Variants in ST3GAL3 observed in about 807,000 individuals in gnomAD.
ST3GAL3 encodes ST3 beta-galactoside alpha-2,3-sialyltransferase 3.
A neutral mutation model predicts 50.1 loss-of-function variants in ST3GAL3; 21 were observed. The ratio of observed to expected loss-of-function variants is 0.42; its 90% CI spans 0.30 to 0.60. The LOEUF (loss-of-function observed/expected upper bound fraction) is 0.60, where lower values mean the gene tolerates loss of function less well. Among genes scored for constraint, ST3GAL3 ranks in the 20% least tolerant of loss-of-function variants. ST3GAL3 has a pLI of 0.19. For missense variants in ST3GAL3, 353 were observed against 489.4 expected (o/e 0.72, Z 2.63); for synonymous variants, 183 against 190.0 (o/e 0.96, Z 0.30).
intron 5 of ST3GAL3, among the ~76,000 whole-genome samples, chr1:43,852,794 C>G (rs2067584215): frequency 6.6e-6 from 1 of 152,214 alleles, no homozygotes. Context: ...TTGGAAAAGT[C>G]TGAGCCTTAT....
chr1:43,927,096 G>A (rs898590992), intron 11 of ST3GAL3, among the ~76,000 whole-genome samples: 19 of 152,270 alleles, frequency 1.2e-4, no homozygotes, highest in Middle Eastern at 3.4e-3. Context: ...TTGGGAGGCC[G>A]ATGCAGGTGG....
chr1:43,914,814 GGCTGT>G (rs993595128), intron 9 of ST3GAL3, among the ~76,000 whole-genome samples: 22 of 152,208 alleles, frequency 1.4e-4, no homozygotes, highest in African/African-American at 4.8e-4. Flanking sequence ...AAGGGACAGG[GGCTGT>G]GCTGTGCTGT....
intron 2 of ST3GAL3, among the ~76,000 whole-genome samples, chr1:43,789,942 A>G (rs2057839965): frequency 6.6e-6 from 1 of 151,948 alleles, no homozygotes; most frequent in East Asian, 1.9e-4. Context: ...GTGGTCACCT[A>G]TCTGTTCAGC....
At chr1:43,909,364 ATCT>A (rs1373509290) in intron 9 of ST3GAL3, among the ~76,000 whole-genome samples, 2 of 152,100 alleles carry the variant, frequency 1.3e-5, no homozygotes, top group African/African-American at 4.8e-5. Flanking sequence ...GCCATGTTTG[ATCT>A]TCTTTATGCA....
chr1:43,901,935 G>A (rs944843227), intron 9 of ST3GAL3, among the ~76,000 whole-genome samples: 2 of 152,194 alleles, frequency 1.3e-5, no homozygotes, highest in Non-Finnish European at 1.5e-5. Context: ...GGGGTTGCCC[G>A]TGGCCTCACC....
intron 5 of ST3GAL3, among the ~76,000 whole-genome samples, chr1:43,875,042 G>A (rs147294731): frequency 1.3e-5 from 2 of 152,264 alleles, no homozygotes; most frequent in African/African-American, 4.8e-5. Context: ...TAGGAATTTC[G>A]ATTTAATCAA....
At chr1:43,874,983 G>T (rs3011230) in intron 5 of ST3GAL3, among the ~76,000 whole-genome samples, 137,981 of 152,270 alleles carry the variant, frequency 0.91, 62,751 homozygotes, top group African/African-American at 0.97. Context: ...CAGCATGGTT[G>T]TTCTCCAGCC....
intron 9 of ST3GAL3, among the ~76,000 whole-genome samples, chr1:43,909,097 T>C (rs2080335166): frequency 6.6e-6 from 1 of 152,212 alleles, no homozygotes; most frequent in South Asian, 2.1e-4. Flanking sequence ...TTGATCTCTG[T>C]AAGCCCATCA....
At chr1:43,850,031 T>G (rs1189589609) in intron 5 of ST3GAL3, among the ~76,000 whole-genome samples, 3 of 152,246 alleles carry the variant, frequency 2.0e-5, no homozygotes, top group Non-Finnish European at 4.4e-5. Context: ...CACAGTATTT[T>G]TATTTTTCTA....
chr1:43,759,859 G>A (rs1303105869), intron 2 of ST3GAL3, among the ~76,000 whole-genome samples: 3 of 152,258 alleles, frequency 2.0e-5, no homozygotes, highest in South Asian at 4.2e-4. Context: ...TTGGATATGC[G>A]TTGTTTCACT....
At chr1:43,852,366 C>T (rs187574620) in intron 5 of ST3GAL3, among the ~76,000 whole-genome samples, 118 of 152,336 alleles carry the variant, frequency 7.7e-4, no homozygotes, top group Non-Finnish European at 1.2e-3. Context: ...AATGCAAAGT[C>T]TTCCCTTACC....
intron 4 of ST3GAL3, among the ~76,000 whole-genome samples, chr1:43,827,887 A>G (rs543928598): frequency 6.6e-6 from 1 of 152,322 alleles, no homozygotes; most frequent in South Asian, 2.1e-4. Flanking sequence ...GCAGCAAGTC[A>G]TTTTTCGAAT....
chr1:43,713,945 G>A (rs1031361862), intron 1 of ST3GAL3, among the ~76,000 whole-genome samples: 1 of 152,122 alleles, frequency 6.6e-6, no homozygotes, highest in Non-Finnish European at 1.5e-5. Flanking sequence ...GAATTACTCT[G>A]AGATCAAAAA....
chr1:43,708,366 C>T (rs1348175308), intron 1 of ST3GAL3, among the ~76,000 whole-genome samples: 3 of 152,112 alleles, frequency 2.0e-5, no homozygotes, highest in African/African-American at 7.2e-5. Context: ...GGAGTGAAAC[C>T]TGATAACTGA....
intron 3 of ST3GAL3, among the ~76,000 whole-genome samples, chr1:43,800,474 G>T (rs2059188666): frequency 6.6e-6 from 1 of 152,236 alleles, no homozygotes; most frequent in African/African-American, 2.4e-5. Context: ...TGGGGCAGGA[G>T]ATGGGAGGTA....
chr1:43,918,642 CTG>C (rs1230618945), intron 9 of ST3GAL3, among the ~76,000 whole-genome samples: 1 of 152,042 alleles, frequency 6.6e-6, no homozygotes, highest in Non-Finnish European at 1.5e-5. Context: ...CCATAATATA[CTG>C]TAATACCTAA....
rs571411293 is a variant in ST3GAL3 at position 43,879,824 on chromosome 1, C to T, written c.303-14559C>T. 3.3e-5 allele frequency among the ~76,000 whole-genome samples: 5 copies of T among 152,326 alleles called. No homozygotes were observed. The South Asian group carries it at 8.3e-4, about 25-fold the overall frequency. On this transcript the variant is annotated intron_variant, in intron 5 of 11. Coordinates refer to ENST00000347631, the MANE Select transcript of ST3GAL3 (RefSeq NM_006279.5). Reference sequence around the variant, plus strand: ...TGACCCTGCGTATCACTGGTATTCTCACCACTGCTTTGAATCCCATCATAC... The same window carrying T: ...TGACCCTGCGTATCACTGGTATTCTTACCACTGCTTTGAATCCCATCATAC...
In ST3GAL3 at chr1:43,784,485, G is replaced by A. The variant is rs2057019839; in HGVS notation, c.119-7617G>A. On this transcript the variant is annotated intron_variant, in intron 2 of 11. Coordinates refer to ENST00000347631, the MANE Select transcript of ST3GAL3 (RefSeq NM_006279.5). ...GATCGCACCACTGTACTCCAGCCTG[G>A]GTGACAGAGCGAGACTCTGTCTCAA... 3.3e-5 allele frequency among the ~76,000 whole-genome samples: 5 copies of A among 152,084 alleles called. No individual in the cohort carries two copies. The South Asian group carries it at 1.0e-3, about 32-fold the overall frequency.
intron 3 of ST3GAL3, among the ~76,000 whole-genome samples, chr1:43,795,859 C>A (rs1346068632): frequency 6.6e-6 from 1 of 152,138 alleles, no homozygotes; most frequent in Non-Finnish European, 1.5e-5. Flanking sequence ...CAATGTATTA[C>A]TGAACTGGCA....
Sources: gnomAD v4.1 joint callset for allele counts (sites outside exome capture counted in the v4.1 genomes callset) on GRCh38, gnomAD v4.1.1 for gene constraint, MANE v1.5 for transcripts, NCBI Gene and HGNC (gene_info 2026-07-23, HGNC 2026-07-21) for gene names.